LLGL1: variants seen among roughly 807,000 people sequenced by gnomAD.
The protein encoded by LLGL1 is LLGL scribble cell polarity complex component 1, also known as lethal(2) giant larvae protein homolog 1.
A neutral mutation model predicts 110.6 loss-of-function variants in LLGL1; 58 were observed. The observed-to-expected ratio is 0.52, with a 90% confidence interval of 0.42 to 0.65. The LOEUF is 0.65. Among genes scored for constraint, LLGL1 ranks in the 30% least tolerant of loss-of-function variants. The pLI, the probability that LLGL1 is intolerant of heterozygous loss-of-function variation, is 0.00. For synonymous variants in LLGL1, 674 were observed against 607.2 expected, an observed-to-expected ratio of 1.11 and a Z score of -1.62; for missense variants, 1,229 against 1,462.1, an observed-to-expected ratio of 0.84 and a Z score of 2.60.
chr17:18,239,049 T>C (rs1391642639), intron 16 of LLGL1, among the ~76,000 whole-genome samples: 1 of 152,112 alleles, frequency 6.6e-6, no homozygotes, highest in Non-Finnish European at 1.5e-5. Flanking sequence ...GGGGGACTGC[T>C]GGGTCACCCC....
At chr17:18,233,984 T>TG in intron 5 of LLGL1, 29 bp from the exon 6 acceptor site, 1 of 1,596,442 alleles carries the variant, frequency 6.3e-7, no homozygotes. Flanking sequence ...CCCGGGAAGT[T>TG]CTGCTGGCTC....
rs1480414210 is a variant in LLGL1, at chr17:18,242,828, G to A, written c.*1+6G>A. The A allele has an allele frequency of 1.2e-5, 18 of 1,547,134 alleles. No homozygotes were observed. The South Asian group carries it at 2.0e-4, about 18-fold the overall frequency. ...TGCCATCCTGATCAAATGAGGTGCT[G>A]CAGGGGTGGGGCCCTGGTCCTCACC... is the stretch of plus-strand genomic sequence containing the variant. On this transcript the variant is annotated splice_donor_region_variant and intron_variant, in intron 22 of 22. Transcript: ENST00000316843.
In LLGL1 at chr17:18,229,927, T is replaced by TC. The variant is rs774177410; in HGVS notation, c.82-10dup. ...TGGGAGTGCTTACCCCCAGCAGCCC[T>TC]CCCCTCCTTGCAGACTGTGGAGCAT... On this transcript the variant is annotated splice_polypyrimidine_tract_variant and intron_variant, in intron 1 of 22. Coordinates refer to ENST00000316843, the MANE Select transcript of LLGL1 (RefSeq NM_004140.4). 2 of 1,591,224 alleles carry TC rather than the reference T, an allele frequency of 1.3e-6. No homozygotes were observed. Among genetic ancestry groups the TC allele is most frequent in the African/African-American group, 2.7e-5 (2 of 74,404 alleles).
intron 14 of LLGL1, 27 bp from the exon 15 acceptor site, chr17:18,238,040 G>A (rs1196138167): frequency 6.2e-7 from 1 of 1,611,552 alleles, no homozygotes; most frequent in Non-Finnish European, 8.5e-7. Flanking sequence ...CTGCTCTATA[G>A]CACGACTGGA....
rs1025460010 is a variant in LLGL1 at position 18,240,142 on chromosome 17, C to T, written c.2207-436C>T. On this transcript the variant is annotated intron_variant, in intron 16 of 22. Transcript: ENST00000316843. This position sits in a 1 kb window ranked among gnomAD's most constrained non-coding sequence, Gnocchi z 5.3. Reference sequence around the variant, plus strand: ...CAGGGCTAAGACAAGGCACACCTGTCGACAGGACTAGCAAGGGGACGCAGG... The same window carrying T: ...CAGGGCTAAGACAAGGCACACCTGTTGACAGGACTAGCAAGGGGACGCAGG... Among the ~76,000 whole-genome samples the T allele has an allele frequency of 1.3e-5, 2 of 151,942 alleles. No homozygotes were observed. Among genetic ancestry groups the T allele is most frequent in the African/African-American group, 2.4e-5 (1 of 41,346 alleles).
chr17:18,236,158 C>T (rs1035583747), intron 11 of LLGL1: 1 of 187,884 alleles, frequency 5.3e-6, no homozygotes, highest in African/African-American at 2.4e-5. Context: ...CCTGCTTTCT[C>T]CCGGCCTCTG....
chr17:18,241,612 C>T lies in LLGL1; in HGVS notation c.2664C>T (p.His888=), dbSNP rs779388688. 8.1e-6 allele frequency: 13 copies of T among 1,613,710 alleles called. No individual in the cohort carries two copies. Among genetic ancestry groups the T allele is most frequent in the Non-Finnish European group, 1.0e-5 (12 of 1,180,024 alleles). Residue 888 remains histidine, a synonymous_variant, in exon 18 of 23, where the codon CAC becomes CAT. Coordinates refer to ENST00000316843, the MANE Select transcript of LLGL1 (RefSeq NM_004140.4). ...GCCTCACCAACCTGGGTGACGTCCA[C>T]GTCTTCTCGGTGCCTGGCCTGCGGC... The part of the protein sequence containing the change: ...LACLTNLGDV[H]VFSVPGLRPQ...
chr17:18,241,971 A>G lies in LLGL1; in HGVS notation c.2854A>G (p.Asn952Asp). ...AGAGCCGCTCTGCTCTCTGGACATTAACTGGCCCCGCGATGCCACCCAGGC... is the reference window on the plus strand; with the variant it reads ...AGAGCCGCTCTGCTCTCTGGACATTGACTGGCCCCGCGATGCCACCCAGGC... ...ITEPLCSLDI[N>D]WPRDATQASY... The change falls in exon 19 of 23, where the codon AAC becomes GAC. Residue 952 changes from asparagine to aspartate, a missense_variant. Coordinates refer to ENST00000316843, the MANE Select transcript of LLGL1 (RefSeq NM_004140.4). The G allele has an allele frequency of 1.2e-6, 2 of 1,614,008 alleles. No homozygotes were observed. Among genetic ancestry groups the G allele is most frequent in the Non-Finnish European group, 1.7e-6 (2 of 1,179,934 alleles).
In LLGL1 at chr17:18,237,609, G is replaced by A. The variant is rs776380789; in HGVS notation, c.1740G>A (p.Pro580=). The change falls in exon 14 of 23, where the codon CCG becomes CCA. Residue 580 remains proline (P), a synonymous_variant. Transcript: ENST00000316843. The part of the protein sequence containing the change: ...GHERLSPRTG[P]LPWPAGFQPR... ...AGCGGCTGAGCCCACGCACGGGGCCGCTGCCCTGGCCTGCTGGCTTCCAGC... is the reference window on the plus strand; with the variant it reads ...AGCGGCTGAGCCCACGCACGGGGCCACTGCCCTGGCCTGCTGGCTTCCAGC... 24 of 1,611,006 alleles carry A rather than the reference G, an allele frequency of 1.5e-5. No individual in the cohort carries two copies. Among genetic ancestry groups the A allele is most frequent in the Admixed American group, 3.3e-5 (2 of 59,968 alleles).
chr17:18,238,429 CAG>C, intron 15 of LLGL1, 25 bp from the exon 16 acceptor site: 1 of 1,593,250 alleles, frequency 6.3e-7, no homozygotes, highest in Non-Finnish European at 8.6e-7. Context: ...GCTAGGGAGA[CAG>C]TGTTCAGGAG....
In LLGL1 at chr17:18,241,624, G is replaced by A; in HGVS notation, c.2676G>A (p.Val892=). The A allele has an allele frequency of 1.9e-6, 3 of 1,613,592 alleles. No homozygotes were observed. The highest frequency in any genetic ancestry group is 1.1e-5 in the South Asian group (1 of 91,086). ...TGGGTGACGTCCACGTCTTCTCGGT[G>A]CCTGGCCTGCGGCCCCAGGTGCACT... ...TNLGDVHVFS[V]PGLRPQVHYS... The change falls in exon 18 of 23, where the codon GTG becomes GTA. Residue 892 remains valine (V), a synonymous_variant. Transcript: ENST00000316843.
At position 18,232,609 on chromosome 17, in the gene LLGL1, G is replaced by A. The variant is rs756397001; in HGVS notation, c.261+33G>A. On this transcript the variant is annotated intron_variant, in intron 3 of 22. Transcript: ENST00000316843. ...TCTGCTTCCCACTAGCCAGCTCCCT[G>A]TGGCCCCCATATCTACTCATCCCCC... is the stretch of plus-strand genomic sequence containing the variant. 8 of 1,613,898 alleles carry A rather than the reference G, an allele frequency of 5.0e-6. No homozygotes were observed. In the South Asian group the frequency reaches 8.8e-5, roughly 18 times the overall value.
rs1427717726 is a variant in LLGL1, at chr17:18,238,525, C to T, written c.2122C>T (p.Arg708Cys). Residue 708 changes from arginine (R) to cysteine (C), a missense_variant, in exon 16 of 23, where the codon CGC becomes TGC. Transcript: ENST00000316843. Reference protein sequence around the residue: ...PHDVEMTPVQRRIEPRSADDS... With the variant: ...PHDVEMTPVQCRIEPRSADDS... Reference sequence around the variant, plus strand: ...CGACGTGGAGATGACGCCCGTGCAGCGCCGCATTGAGCCCCGCTCTGCCGA... The same window carrying T: ...CGACGTGGAGATGACGCCCGTGCAGTGCCGCATTGAGCCCCGCTCTGCCGA... The T allele has an allele frequency of 8.1e-6, 13 of 1,612,654 alleles. No individual in the cohort carries two copies. The highest frequency in any genetic ancestry group is 8.0e-5 in the African/African-American group (6 of 74,920).
intron 11 of LLGL1, chr17:18,236,100 G>T: frequency 5.5e-6 from 1 of 182,714 alleles, no homozygotes; most frequent in South Asian, 1.2e-4. Flanking sequence ...CTGCAGCTGT[G>T]TCCCAAGGCT....
rs1056821372 is a variant in LLGL1 at position 18,225,751 on chromosome 17, C to T, written c.69C>T (p.Phe23=). The change falls in exon 1 of 23, where the codon TTC becomes TTT. Residue 23 remains phenylalanine (F), a synonymous_variant. Transcript: ENST00000316843. ...PQREKLKQEL[F]AFNKTVEHGF... The stretch of plus-strand genomic sequence containing the variant: ...GCGAGAAGCTCAAGCAGGAGCTTTT[C>T]GCCTTCAACAAGGTGCGGCGGCGGC... 7.7e-6 allele frequency: 8 copies of T among 1,036,168 alleles called. No homozygotes were observed. The Admixed American group carries it at 3.1e-4, about 40-fold the overall frequency. The allele number at this position is 1,036,168 out of a possible 1,614,324, so 64.2% of individuals were successfully genotyped here. A position where few individuals can be genotyped will look rare whatever the true frequency, so the allele number is the denominator to read the frequency against.
intron 1 of LLGL1, among the ~76,000 whole-genome samples, chr17:18,226,870 C>T (rs1469952252): frequency 6.6e-6 from 1 of 152,266 alleles, no homozygotes; most frequent in African/African-American, 2.4e-5. Flanking sequence ...CCACTGATGG[C>T]AGAGCCTCTC....
chr17:18,233,266 C>T (rs2047609428), intron 4 of LLGL1, among the ~76,000 whole-genome samples: 1 of 152,140 alleles, frequency 6.6e-6, no homozygotes, highest in African/African-American at 2.4e-5. Flanking sequence ...CTTGGTAAGG[C>T]GCTGGCAGCA....
rs2047842226 is a variant in LLGL1, at chr17:18,241,877, C to T, written c.2768-8C>T. 1 of 1,611,088 alleles carries T rather than the reference C, an allele frequency of 6.2e-7. No individual in the cohort carries two copies. Among genetic ancestry groups the T allele is most frequent in the South Asian group, 1.1e-5 (1 of 91,036 alleles). ...CTAACTGCACTCCTCATTCTTCTGC[C>T]CACCCAGGCTTTTACCTGATATCCC... On this transcript the variant is annotated splice_polypyrimidine_tract_variant and splice_region_variant and intron_variant, in intron 18 of 22. Transcript: ENST00000316843.
chr17:18,227,661 G>A (rs749375202), intron 1 of LLGL1, among the ~76,000 whole-genome samples: 2 of 152,240 alleles, frequency 1.3e-5, no homozygotes, highest in African/African-American at 4.8e-5. Flanking sequence ...AAAGTGCTAG[G>A]ATTACAGACA....
Sources: allele counts gnomAD v4.1 joint callset (sites outside exome capture counted in the v4.1 genomes callset), GRCh38; gene constraint gnomAD v4.1.1; non-coding constraint Gnocchi (gnomAD v3.1); transcripts MANE v1.5; gene names NCBI Gene and HGNC (gene_info 2026-07-23, HGNC 2026-07-21).